The following CEP72 variants were observed in gnomAD, a reference collection of about 807,000 sequenced individuals.
CEP72 encodes the protein centrosomal protein 72.
A neutral mutation model predicts 65.7 loss-of-function variants in CEP72; 78 were observed. The observed-to-expected ratio is 1.19, with a 90% CI of 0.99 to 1.43. The LOEUF is 1.43. CEP72 is among the 40% of genes most tolerant of loss of function. The pLI is 0.00. For missense variants in CEP72, 914 were observed against 832.9 expected (o/e 1.10, Z -1.20); for synonymous variants, 358 against 351.7 (o/e 1.02, Z -0.20).
At chr5:647,654 T>C (rs1208645229) in intron 10 of CEP72, 151 bp from the exon 11 acceptor site, 1 of 610,664 alleles carries the variant, frequency 1.6e-6, no homozygotes, top group Non-Finnish European at 2.9e-6. Flanking sequence ...ATGCTCGCCC[T>C]GTCTTTGAGT....
intron 11 of CEP72, among the ~76,000 whole-genome samples, chr5:651,631 A>T (rs1739104648): frequency 6.6e-6 from 1 of 151,982 alleles, no homozygotes. Context: ...TTCAAGGCAG[A>T]ATCTTAGTTT....
intron 9 of CEP72, chr5:643,247 T>G (rs1738176374): frequency 1.0e-6 from 1 of 985,280 alleles, no homozygotes. Context: ...CAGCCCTGCC[T>G]TAAGAGCTCA....
chr5:665,927 CCCACCCCCTCCAGGCCCCGCCT>C, intron 3 of CEP72: 2 of 704,912 alleles, frequency 2.8e-6, no homozygotes, highest in South Asian at 3.6e-5. Context: ...AGGCCCCGCC[CCCACCCCCTCCAGGCCCCGCCT>C]TCCATCCCCG....
the CEP72 span, among the ~76,000 whole-genome samples, chr5:674,649 A>G: frequency 6.6e-6 from 1 of 151,830 alleles, no homozygotes. Context: ...CCTGGTCACC[A>G]GGACCTGCCA....
At chr5:668,563 C>A (rs1740050329), downstream of CEP72, among the ~76,000 whole-genome samples, 1 of 152,190 alleles carries the variant, frequency 6.6e-6, no homozygotes, top group African/African-American at 2.4e-5. Context: ...AAACTGCCGG[C>A]ACCTCGAGCT....
At chr5:665,396 C>G in intron 3 of CEP72, 1 of 1,142,542 alleles carries the variant, frequency 8.8e-7, no homozygotes, top group Non-Finnish European at 1.2e-6. Context: ...AGCGGTGGGG[C>G]ACTGGGCAAG....
chr5:612,442 G>A lies in CEP72; in HGVS notation c.81G>A (p.Leu27=), dbSNP rs1735728504. The part of the protein sequence containing the change: ...AKSGLGPHRD[L]AELQSLSIPG... ...GCGGCTTAGGGCCTCACCGCGACCT[G>A]GGTGCGCCGGAGGGCGGGCGGGGGT... is the stretch of plus-strand genomic sequence containing the variant. Residue 27 remains leucine, a splice_region_variant and synonymous_variant, in exon 1 of 12, where the codon CTG becomes CTA. Coordinates refer to ENST00000264935, the MANE Select transcript of CEP72 (RefSeq NM_018140.4). The A allele has an allele frequency of 2.8e-6, 4 of 1,451,176 alleles. No individual in the cohort carries two copies. Among genetic ancestry groups the A allele is most frequent in the African/African-American group, 1.5e-5 (1 of 67,788 alleles). The allele number at this position is 1,451,176 out of a possible 1,614,324, so 89.9% of individuals were successfully genotyped here.
At chr5:655,291 G>A (rs970745177), downstream of CEP72, among the ~76,000 whole-genome samples, 11 of 152,144 alleles carry the variant, frequency 7.2e-5, no homozygotes, top group East Asian at 1.9e-4. This position sits in a 1 kb window ranked among gnomAD's most constrained non-coding sequence, Gnocchi z 5.0. Flanking sequence ...CCTGGGAGGC[G>A]GAGGTTGCAG....
downstream of CEP72, among the ~76,000 whole-genome samples, chr5:668,303 C>A (rs189449946): frequency 1.8e-5 from 1 of 56,684 alleles, no homozygotes; most frequent in Admixed American, 1.8e-4. Context: ...AGGGAAGTAC[C>A]GACAAGCACA....
At chr5:620,360 G>A (rs1736309547) in intron 3 of CEP72, 99 bp downstream of exon 3, 3 of 1,045,818 alleles carry the variant, frequency 2.9e-6, no homozygotes, top group Non-Finnish European at 4.3e-6. Flanking sequence ...TCACATGCTT[G>A]ATTCCTTCTG....
At chr5:649,089 GTGTGACTGTGAGGTGTGGA>G (rs1223683283) in intron 11 of CEP72, among the ~76,000 whole-genome samples, 1 of 148,766 alleles carries the variant, frequency 6.7e-6, no homozygotes, top group Non-Finnish European at 1.5e-5. Flanking sequence ...TGACTGTGAG[GTGTGACTGTGAGGTGTGGA>G]CTGTGAGGTG....
At chr5:634,452 C>T (rs544896640) in intron 5 of CEP72, among the ~76,000 whole-genome samples, 2 of 152,318 alleles carry the variant, frequency 1.3e-5, no homozygotes, top group East Asian at 3.9e-4. Context: ...TTTCTGAGAA[C>T]TTTTCGTGGA....
chr5:672,103 G>T (rs1740243120), downstream of CEP72, among the ~76,000 whole-genome samples: 1 of 152,238 alleles, frequency 6.6e-6, no homozygotes, highest in Non-Finnish European at 1.5e-5. Flanking sequence ...GCTCCTGGGA[G>T]GTGGTTGGGT....
Position 619,252 on chromosome 5 carries a change from G to A in CEP72, c.210+135G>A, listed in dbSNP as rs1475770771. ...GGTACACTTTGTGTTGCGTATTTTT[G>A]TGTTTACCGTGGGCTACATTTCATA... On this transcript the variant is annotated intron_variant, in intron 2 of 11. Transcript: ENST00000264935. The A allele has an allele frequency of 6.6e-6, 5 of 761,234 alleles. No individual in the cohort carries two copies. The South Asian group carries it at 7.9e-5, about 12-fold the overall frequency. The allele number at this position is 761,234 out of a possible 1,614,324, so 47.2% of individuals were successfully genotyped here. A position where few individuals can be genotyped will look rare whatever the true frequency, so the allele number is the denominator to read the frequency against.
intron 6 of CEP72, among the ~76,000 whole-genome samples, 175 bp downstream of exon 6, chr5:635,759 A>G (rs1177114531): frequency 2.0e-5 from 3 of 152,306 alleles, no homozygotes; most frequent in South Asian, 4.1e-4. Context: ...AGCATGGTGC[A>G]GGCAGAAGCA....
At position 623,888 on chromosome 5, in the gene CEP72, G is replaced by A. The variant is rs763495329; in HGVS notation, c.404-583G>A. On this transcript the variant is annotated intron_variant, in intron 3 of 11. Transcript: ENST00000264935. This position sits in a 1 kb window ranked among gnomAD's most constrained non-coding sequence, Gnocchi z 5.3. ...GTGCTGTAGGCTAAATGGAGGCAGC[G>A]TGGGAACTTGTCACAGAATTCACAT... Among the ~76,000 whole-genome samples the A allele has an allele frequency of 3.3e-5, 5 of 152,224 alleles. No homozygotes were observed. Among genetic ancestry groups the A allele is most frequent in the Admixed American group, 6.5e-5 (1 of 15,290 alleles).
At chr5:614,860 T>A (rs1234083518) in intron 1 of CEP72, among the ~76,000 whole-genome samples, 6 of 152,186 alleles carry the variant, frequency 3.9e-5, no homozygotes, top group Admixed American at 1.3e-4. Context: ...GTGTGTGTAT[T>A]CTGTTGTTGA....
At chr5:669,857 T>C (rs544220579), downstream of CEP72, among the ~76,000 whole-genome samples, 1 of 152,116 alleles carries the variant, frequency 6.6e-6, no homozygotes, top group South Asian at 2.1e-4. Flanking sequence ...GCCTGCCTCT[T>C]CCCCAGAGAC....
downstream of CEP72, among the ~76,000 whole-genome samples, chr5:669,925 G>C (rs1048714764): frequency 6.6e-6 from 1 of 152,170 alleles, no homozygotes; most frequent in African/African-American, 2.4e-5. Context: ...CCAGAGACCA[G>C]GGTGCTGGAG....
Sources: allele counts gnomAD v4.1 joint callset (sites outside exome capture counted in the v4.1 genomes callset), GRCh38; gene constraint gnomAD v4.1.1; non-coding constraint Gnocchi (gnomAD v3.1); transcripts MANE v1.5; gene names NCBI Gene and HGNC (gene_info 2026-07-23, HGNC 2026-07-21).